ATM: variants seen among roughly 807,000 people sequenced by gnomAD.
ATM encodes serine-protein kinase ATM.
In ATM, 308 loss-of-function variants were observed where a neutral mutation model predicts 387.0. That is an observed-to-expected ratio of 0.80 (90% CI 0.73 to 0.87). The LOEUF (loss-of-function observed/expected upper bound fraction) is 0.87. ATM is among the 40% of genes least tolerant of loss of function. The pLI, the probability that ATM is intolerant of heterozygous loss-of-function variation, is 0.00. For synonymous variants in ATM, 1,156 were observed against 1,187.3 expected (o/e 0.97, Z 0.54); for missense variants, 3,312 against 3,560.9 (o/e 0.93, Z 1.78).
rs754651005 is a variant in ATM at position 108,314,491 on chromosome 11, G to A, written c.6007-1332G>A. On this transcript the variant is annotated intron_variant, in intron 40 of 62. Coordinates refer to ENST00000675843, the MANE Select transcript of ATM (RefSeq NM_000051.4). ...TTATGTGATATAAGCCTGGTAGGTC[G>A]GTACTTATTTCTTATCTAATTCATG... Among the ~76,000 whole-genome samples, 16 of 151,602 alleles carry A rather than the reference G, an allele frequency of 1.1e-4. No individual in the cohort carries two copies. The East Asian group carries it at 1.7e-3, about 16-fold the overall frequency.
At chr11:108,332,723 G>A (rs373136939) in intron 52 of ATM, 39 bp from the exon 53 acceptor site, 5 of 1,596,920 alleles carry the variant, frequency 3.1e-6, no homozygotes, top group Non-Finnish European at 4.3e-6. Flanking sequence ...TAAATGTTGG[G>A]TAGTTCCTTA....
At chr11:108,297,060 A>G in intron 32 of ATM, 1 of 511,368 alleles carries the variant, frequency 2.0e-6, no homozygotes, top group Non-Finnish European at 3.5e-6. Context: ...TGTTTAAGAC[A>G]TTTTATTTTC....
At chr11:108,271,906 C>T (rs2081606016) in intron 20 of ATM, among the ~76,000 whole-genome samples, 1 of 152,144 alleles carries the variant, frequency 6.6e-6, no homozygotes, top group Non-Finnish European at 1.5e-5. Flanking sequence ...CACTCCATCA[C>T]CCAGGCTGCA....
At chr11:108,247,779 A>G (rs2079927482) in intron 8 of ATM, among the ~76,000 whole-genome samples, 1 of 151,660 alleles carries the variant, frequency 6.6e-6, no homozygotes, top group Non-Finnish European at 1.5e-5. Context: ...TTTTTTTAGT[A>G]GAGACTGGGT....
intron 39 of ATM, 69 bp downstream of exon 39, chr11:108,310,384 A>G: frequency 1.4e-6 from 2 of 1,462,182 alleles, no homozygotes; most frequent in Non-Finnish European, 1.9e-6. Context: ...GTATATAGTA[A>G]AGATTTATTT....
In ATM at chr11:108,252,928, A is replaced by G. The variant is rs2080234530; in HGVS notation, c.1898+16A>G. 1.9e-6 allele frequency: 3 copies of G among 1,570,414 alleles called. No homozygotes were observed. Among genetic ancestry groups the G allele is most frequent in the South Asian group, 1.1e-5 (1 of 89,830 alleles). On this transcript the variant is annotated intron_variant, in intron 12 of 62. Coordinates refer to ENST00000675843, the MANE Select transcript of ATM (RefSeq NM_000051.4). The stretch of plus-strand genomic sequence containing the variant: ...TGCCAGAATGGTATGTTATCTAATA[A>G]TGCTCTTTATCATTTTAAGCTATAG...
At chr11:108,274,249 A>G (rs1043077884) in intron 22 of ATM, among the ~76,000 whole-genome samples, 3 of 149,602 alleles carry the variant, frequency 2.0e-5, no homozygotes, top group Non-Finnish European at 4.5e-5. Flanking sequence ...AGTCTATTTG[A>G]TTCTTCTCTC....
intron 61 of ATM, among the ~76,000 whole-genome samples, chr11:108,358,590 A>G (rs227046): frequency 0.5 from 49,175 of 98,346 alleles, 12,421 homozygotes; most frequent in Middle Eastern, 0.68. Context: ...GACTAACAGC[A>G]GATCTCTCGG....
At position 108,330,372 on chromosome 11, in the gene ATM, C is replaced by T. The variant is rs759728261; in HGVS notation, c.7466C>T (p.Ser2489Phe). 3 of 1,613,982 alleles carry T rather than the reference C, an allele frequency of 1.9e-6. No individual in the cohort carries two copies. The highest frequency in any genetic ancestry group is 1.7e-6 in the Non-Finnish European group (2 of 1,180,010). Residue 2489 changes from serine to phenylalanine, a missense_variant, in exon 50 of 63, where the codon TCC becomes TTC. This residue lies in a region of ATM where 1,405 missense variants were observed against 1,604.4 expected (regional missense o/e 0.88). Coordinates refer to ENST00000675843, the MANE Select transcript of ATM (RefSeq NM_000051.4). The stretch of plus-strand genomic sequence containing the variant: ...GATATGTGGGTATTCCGACTTTGTT[C>T]CCTCTGGCTTGAAAATTCTGGAGTT... ...EHDMWVFRLCSLWLENSGVSE... is the reference protein window; with the variant it reads ...EHDMWVFRLCFLWLENSGVSE...
Position 108,312,850 on chromosome 11 carries a change from G to A in ATM, c.6006+352G>A, listed in dbSNP as rs555595383. On this transcript the variant is annotated intron_variant, in intron 40 of 62. Coordinates refer to ENST00000675843, the MANE Select transcript of ATM (RefSeq NM_000051.4). ...GTTTGCTTGTTTATTGTATGTTACA[G>A]AAGAAGCAGATTGCCTCTTCTATAA... Among the ~76,000 whole-genome samples, 27 of 152,300 alleles carry A rather than the reference G, an allele frequency of 1.8e-4. No homozygotes were observed. In the South Asian group the frequency reaches 4.3e-3, roughly 25 times the overall value.
intron 16 of ATM, among the ~76,000 whole-genome samples, chr11:108,262,746 G>T (rs1444763495): frequency 1.3e-5 from 2 of 149,050 alleles, no homozygotes; most frequent in African/African-American, 2.5e-5. Flanking sequence ...CCCATCTCAC[G>T]TGCAGAGACA....
Position 108,330,238 on chromosome 11 carries a change from G to C in ATM, c.7332G>C (p.Glu2444Asp), listed in dbSNP as rs876658886. The change falls in exon 50 of 63, where the codon GAG becomes GAC. Residue 2444 changes from glutamate to aspartate, a missense_variant. Coordinates refer to ENST00000675843, the MANE Select transcript of ATM (RefSeq NM_000051.4). The part of the protein sequence containing the change: ...TNRYTVKVQR[E>D]LELDELALRA... ...GATACACAGTAAAGGTTCAGCGAGA[G>C]CTGGAGTTGGATGAATTAGCCCTGC... 1 of 1,614,160 alleles carries C rather than the reference G, an allele frequency of 6.2e-7. No individual in the cohort carries two copies. Among genetic ancestry groups the C allele is most frequent in the Non-Finnish European group, 8.5e-7 (1 of 1,180,010 alleles).
chr11:108,343,100 G>A, intron 56 of ATM, 122 bp from the exon 57 acceptor site: 2 of 1,249,338 alleles, frequency 1.6e-6, no homozygotes, highest in Admixed American at 1.7e-5. Flanking sequence ...GTCTTCTATG[G>A]ACAGAGAAAT....
intron 49 of ATM, among the ~76,000 whole-genome samples, chr11:108,329,731 T>TA (rs1322652469): frequency 2.0e-5 from 3 of 152,184 alleles, no homozygotes; most frequent in Admixed American, 2.0e-4. Context: ...CTACTGTAGT[T>TA]AATCACAAAT....
intron 42 of ATM, 96 bp from the exon 43 acceptor site, chr11:108,317,277 T>C: frequency 1.5e-6 from 2 of 1,320,720 alleles, no homozygotes; most frequent in Non-Finnish European, 2.1e-6. Flanking sequence ...GAACTAAAAT[T>C]TGTCTAAGTT....
At chr11:108,359,886 G>A (rs1390868899) in intron 61 of ATM, among the ~76,000 whole-genome samples, 2 of 152,084 alleles carry the variant, frequency 1.3e-5, no homozygotes, top group East Asian at 1.9e-4. Context: ...AATTAAAAGA[G>A]CTAGAAAAGG....
Position 108,326,175 on chromosome 11 carries a change from C to T in ATM, c.6925C>T (p.Leu2309=), listed in dbSNP as rs763839047. 25 of 1,613,922 alleles carry T rather than the reference C, an allele frequency of 1.5e-5. No homozygotes were observed. Among genetic ancestry groups the T allele is most frequent in the Non-Finnish European group, 7.6e-6 (9 of 1,180,020 alleles). ...FWAKKEQSLA[L]SILKQMIKKL... is the part of the protein sequence containing the mutation. Reference sequence around the variant, plus strand: ...GGCAAAAAAGGAGCAGAGTCTTGCCCTGAGTATTCTCAAGCAAATGATCAA... The same window carrying T: ...GGCAAAAAAGGAGCAGAGTCTTGCCTTGAGTATTCTCAAGCAAATGATCAA... Residue 2309 remains leucine, a synonymous_variant, in exon 47 of 63, where the codon CTG becomes TTG. Coordinates refer to ENST00000675843, the MANE Select transcript of ATM (RefSeq NM_000051.4).
rs1060501701 is a variant in ATM, at chr11:108,250,794, AC to A, written c.1333del (p.Gln445AsnfsTer28). ...PLLMILSQLL[P>X]QQRHGERTPY... Reference sequence around the variant, plus strand: ...TACTGATGATACTATCTCAGCTTCTACCCCAACAGCGACATGGGGAACGTAC... The same window carrying A: ...TACTGATGATACTATCTCAGCTTCTACCCAACAGCGACATGGGGAACGTAC... On this transcript the variant is annotated frameshift_variant, in exon 10 of 63. Transcript: ENST00000675843. LOFTEE classifies it high-confidence loss of function. The A allele has an allele frequency of 6.2e-7, 1 of 1,613,180 alleles. No homozygotes were observed. Among genetic ancestry groups the A allele is most frequent in the Non-Finnish European group, 8.5e-7 (1 of 1,179,956 alleles).
At chr11:108,314,578 T>C (rs1211710392) in intron 40 of ATM, among the ~76,000 whole-genome samples, 2 of 152,152 alleles carry the variant, frequency 1.3e-5, no homozygotes, top group East Asian at 3.9e-4. Flanking sequence ...ACCAGTCTAC[T>C]GTGTTGCTGA....
Sources: gnomAD v4.1 joint callset for allele counts (sites outside exome capture counted in the v4.1 genomes callset) on GRCh38, gnomAD v4.1.1 for gene constraint, gnomAD v4.1.1 regional missense constraint, MANE v1.5 for transcripts, NCBI Gene and HGNC (gene_info 2026-07-23, HGNC 2026-07-21) for gene names.